NUDT3: variants seen among roughly 807,000 people sequenced by gnomAD.
NUDT3 encodes the protein nudix hydrolase 3.
A neutral mutation model predicts 23.6 loss-of-function variants in NUDT3; 9 were observed. That is an observed-to-expected ratio of 0.38 (90% CI 0.23 to 0.66). NUDT3 has a LOEUF of 0.66. NUDT3 is among the 30% of genes least tolerant of loss of function. The probability of loss-of-function intolerance (pLI) is 0.52; values close to 1 mark genes in which losing one functional copy is unlikely to be tolerated. For missense variants in NUDT3, 172 were observed against 218.5 expected, an observed-to-expected ratio of 0.79 and a Z score of 1.34; for synonymous variants, 86 against 82.6, an observed-to-expected ratio of 1.04 and a Z score of -0.22.
At chr6:34,351,741 C>CAAAAAA (rs1017090378) in intron 1 of NUDT3, among the ~76,000 whole-genome samples, 27 of 53,570 alleles carry the variant, frequency 5.0e-4, no homozygotes, top group Non-Finnish European at 6.7e-4. Flanking sequence ...AACTCTGTCT[C>CAAAAAA]AAAAAAAAAA....
At chr6:34,313,171 T>C (rs541861871) in intron 2 of NUDT3, among the ~76,000 whole-genome samples, 5 of 151,866 alleles carry the variant, frequency 3.3e-5, no homozygotes, top group Admixed American at 6.6e-5. Context: ...CGAGACCTTG[T>C]CTCTGAAAAA....
intron 2 of NUDT3, among the ~76,000 whole-genome samples, chr6:34,335,486 T>G (rs1015389927): frequency 6.6e-6 from 1 of 152,090 alleles, no homozygotes; most frequent in Admixed American, 6.6e-5. Flanking sequence ...AGTATTTTTG[T>G]GTTAAGGAGA....
intron 1 of NUDT3, among the ~76,000 whole-genome samples, chr6:34,343,385 AC>A (rs527544334): frequency 8.7e-5 from 12 of 138,088 alleles, no homozygotes; most frequent in South Asian, 2.3e-4. Context: ...CCTCGTCTCT[AC>A]AAAAAAAAAA....
intron 1 of NUDT3, among the ~76,000 whole-genome samples, chr6:34,344,689 T>C (rs1163504238): frequency 6.6e-6 from 1 of 152,158 alleles, no homozygotes; most frequent in Non-Finnish European, 1.5e-5. Context: ...TCTCCCTCTG[T>C]TGCCCAGGCT....
intron 1 of NUDT3, among the ~76,000 whole-genome samples, chr6:34,346,028 C>T (rs1764363544): frequency 6.6e-6 from 1 of 152,128 alleles, no homozygotes; most frequent in Non-Finnish European, 1.5e-5. Context: ...CTTGGCCTCC[C>T]AAAGTGTTGG....
chr6:34,303,962 C>T lies in NUDT3; in HGVS notation c.211-8277G>A, dbSNP rs138988843. Among the ~76,000 whole-genome samples, 900 of 152,224 alleles carry T rather than the reference C, an allele frequency of 5.9e-3. 7 individuals are homozygous for T. The highest frequency in any genetic ancestry group is 0.019 in the African/African-American group (809 of 41,526). On this transcript the variant is annotated intron_variant, in intron 2 of 4. Coordinates refer to ENST00000607016, the MANE Select transcript of NUDT3 (RefSeq NM_006703.4). ...TACTATCTGGCCCTTTATAGAAAGT[C>T]TGCTACGAGGCCAGGCGCAGTGGCT...
rs1001465738 is a variant in NUDT3 at position 34,285,270 on chromosome 6, T to A, written c.*3483A>T. The A allele has an allele frequency of 2.6e-5, 4 of 152,116 alleles. No individual in the cohort carries two copies. The highest frequency in any genetic ancestry group is 5.9e-5 in the Non-Finnish European group (4 of 68,022). 9.4% of individuals were successfully genotyped at this position (152,116 alleles called of 1,614,324 possible). A position where few individuals can be genotyped will look rare whatever the true frequency, so the allele number is the denominator to read the frequency against. ...ACTGTTTCTGGAAGACTACAGAAAA[T>A]CTAACATGGTTGACACTTCCTGGTA... is the stretch of plus-strand genomic sequence containing the variant. On this transcript the variant is annotated 3_prime_UTR_variant, in exon 5 of 5. Coordinates refer to ENST00000607016, the MANE Select transcript of NUDT3 (RefSeq NM_006703.4).
chr6:34,288,974 G>T, intron 4 of NUDT3, 43 bp from the exon 5 acceptor site: 1 of 1,531,940 alleles, frequency 6.5e-7, no homozygotes, highest in East Asian at 2.4e-5. Flanking sequence ...AGAGTAATAA[G>T]GTTTCTGAGC....
At chr6:34,333,166 T>TA (rs979332585) in intron 2 of NUDT3, among the ~76,000 whole-genome samples, 6 of 152,170 alleles carry the variant, frequency 3.9e-5, no homozygotes, top group African/African-American at 1.4e-4. Context: ...CACAAGCAGC[T>TA]AAAAAAAGGA....
At position 34,281,551 on chromosome 6, in the gene NUDT3, G is replaced by A. The variant is rs191754932; in HGVS notation, c.*7202C>T. The A allele has an allele frequency of 6.6e-6, 1 of 151,802 alleles. No homozygotes were observed. 9.4% of individuals were successfully genotyped at this position (151,802 alleles called of 1,614,324 possible). On this transcript the variant is annotated 3_prime_UTR_variant, in exon 5 of 5. Transcript: ENST00000607016. ...TTATCAACCAGTTTGACAGTCTTCAGATCACAAAACAATAGAACAGACCTG... is the reference window on the plus strand; with the variant it reads ...TTATCAACCAGTTTGACAGTCTTCAAATCACAAAACAATAGAACAGACCTG...
rs1355235195 is a variant in NUDT3, at chr6:34,351,510, G to A, written c.100-9538C>T. Among the ~76,000 whole-genome samples, 5 of 149,584 alleles carry A rather than the reference G, an allele frequency of 3.3e-5. No homozygotes were observed. The South Asian group carries it at 8.4e-4, about 25-fold the overall frequency. ...TAATCCTAGCACTTTGGGAGGCCAA[G>A]GCGGGCATGTCACCTGAGGTCAGGA... is the stretch of plus-strand genomic sequence containing the variant. On this transcript the variant is annotated intron_variant, in intron 1 of 4. Coordinates refer to ENST00000607016, the MANE Select transcript of NUDT3 (RefSeq NM_006703.4).
chr6:34,311,909 T>C (rs1317495948), intron 2 of NUDT3, among the ~76,000 whole-genome samples: 1 of 151,934 alleles, frequency 6.6e-6, no homozygotes, highest in Non-Finnish European at 1.5e-5. Context: ...TTTGTACCCT[T>C]AAAAAAAATT....
At chr6:34,326,598 CTTT>C (rs576434468) in intron 2 of NUDT3, among the ~76,000 whole-genome samples, 1 of 146,852 alleles carries the variant, frequency 6.8e-6, no homozygotes, top group East Asian at 2.0e-4. Context: ...GATAATCCAG[CTTT>C]TTTTTTTTCT....
chr6:34,305,793 C>G (rs908662594), intron 2 of NUDT3, among the ~76,000 whole-genome samples: 9 of 152,146 alleles, frequency 5.9e-5, no homozygotes, highest in African/African-American at 9.7e-5. Context: ...TTATTTAGAA[C>G]ATTTTTTTGT....
intron 1 of NUDT3, among the ~76,000 whole-genome samples, chr6:34,383,059 G>A (rs1292040568): frequency 2.6e-5 from 4 of 151,062 alleles, no homozygotes; most frequent in Non-Finnish European, 5.9e-5. Flanking sequence ...CCTGGGAGGC[G>A]GAGGTTGCAG....
chr6:34,339,104 T>C (rs1764252284), intron 2 of NUDT3, among the ~76,000 whole-genome samples: 2 of 152,128 alleles, frequency 1.3e-5, no homozygotes, highest in South Asian at 4.1e-4. Context: ...ACACTATAGC[T>C]GCCAATTCCA....
rs961366255 is a variant in NUDT3, at chr6:34,392,482, C to T, written c.-120G>A. The T allele has an allele frequency of 3.2e-6, 2 of 633,482 alleles. No individual in the cohort carries two copies. Among genetic ancestry groups the T allele is most frequent in the Non-Finnish European group, 5.3e-6 (2 of 373,924 alleles). 39.2% of individuals were successfully genotyped at this position (633,482 alleles called of 1,614,324 possible). On this transcript the variant is annotated 5_prime_UTR_variant, in exon 1 of 5. Coordinates refer to ENST00000607016, the MANE Select transcript of NUDT3 (RefSeq NM_006703.4). ...GGCCAAGGGAAGCAGGGAGGGGGAG[C>T]TTCTCCGCTACACGGCTCCGCCGCT...
chr6:34,280,634 G>T lies in NUDT3; in HGVS notation c.*8119C>A. On this transcript the variant is annotated 3_prime_UTR_variant, in exon 5 of 5. Transcript: ENST00000607016. ...ATTTTCTATCCCTTTCTACAATTAT[G>T]AACACACTCTCTAAACAGGAGATCT... is the stretch of plus-strand genomic sequence containing the variant. 6.6e-6 allele frequency: 1 copy of T among 152,108 alleles called. No individual in the cohort carries two copies. Among genetic ancestry groups the T allele is most frequent in the Admixed American group, 6.5e-5 (1 of 15,276 alleles). 9.4% of individuals were successfully genotyped at this position (152,108 alleles called of 1,614,324 possible).
intron 1 of NUDT3, among the ~76,000 whole-genome samples, chr6:34,385,260 A>T (rs1765086686): frequency 1.3e-5 from 2 of 152,100 alleles, no homozygotes. Flanking sequence ...GTTCCAGACC[A>T]GTCTGGGAAA....
Sources: allele counts gnomAD v4.1 joint callset (sites outside exome capture counted in the v4.1 genomes callset), GRCh38; gene constraint gnomAD v4.1.1; transcripts MANE v1.5; gene names NCBI Gene and HGNC (gene_info 2026-07-23, HGNC 2026-07-21).